The following ARAP2 variants were observed in gnomAD, a reference collection of about 807,000 sequenced individuals.
ARAP2 encodes the protein arf-GAP with Rho-GAP domain, ANK repeat and PH domain-containing protein 2.
In ARAP2, 148 loss-of-function variants were observed where a neutral mutation model predicts 194.5. The observed-to-expected ratio is 0.76, with a 90% CI of 0.67 to 0.87. ARAP2 has a LOEUF of 0.87. Among genes scored for constraint, ARAP2 ranks in the 40% least tolerant of loss-of-function variants. The probability of loss-of-function intolerance (pLI) is 0.00; values close to 1 mark genes in which losing one functional copy is unlikely to be tolerated. For missense variants in ARAP2, 2,128 were observed against 1,989.7 expected, an observed-to-expected ratio of 1.07 and a Z score of -1.32; for synonymous variants, 695 against 683.5, an observed-to-expected ratio of 1.02 and a Z score of -0.26.
intron 27 of ARAP2, among the ~76,000 whole-genome samples, chr4:36,102,129 CT>C (rs1336943986): frequency 6.6e-6 from 1 of 152,012 alleles, no homozygotes; most frequent in Non-Finnish European, 1.5e-5. Flanking sequence ...GCTAAAACCA[CT>C]TTCCACACAA....
chr4:36,043,853 G>A (rs1229398158), intron 5 of ARAP2, among the ~76,000 whole-genome samples: 113 of 53,610 alleles, frequency 2.1e-3, no homozygotes, highest in Middle Eastern at 0.013. Flanking sequence ...GGGGGGAGGG[G>A]AGGGGGGAGG....
intron 24 of ARAP2, among the ~76,000 whole-genome samples, chr4:36,118,116 T>A (rs1237983267): frequency 6.6e-6 from 1 of 151,290 alleles, no homozygotes; most frequent in East Asian, 2.0e-4. Context: ...TTGAAAAAGT[T>A]CCTTAATTTT....
At chr4:36,224,799 AAG>A (rs1285928295) in intron 2 of ARAP2, among the ~76,000 whole-genome samples, 1 of 152,204 alleles carries the variant, frequency 6.6e-6, no homozygotes, top group Non-Finnish European at 1.5e-5. Context: ...TTTTAAAAGA[AAG>A]AAATCAAAAT....
intron 22 of ARAP2, 55 bp from the exon 23 acceptor site, chr4:36,121,381 G>C: frequency 2.0e-6 from 3 of 1,471,332 alleles, no homozygotes; most frequent in Non-Finnish European, 2.7e-6. Context: ...AAATTTCATA[G>C]AACAGAAAGC....
At chr4:36,189,291 T>C (rs1355718664) in intron 7 of ARAP2, among the ~76,000 whole-genome samples, 1 of 152,184 alleles carries the variant, frequency 6.6e-6, no homozygotes, top group Non-Finnish European at 1.5e-5. Flanking sequence ...TGTTCGTATT[T>C]ATGGGATACA....
chr4:36,107,506 T>C (rs1577908823), intron 27 of ARAP2, 59 bp downstream of exon 27: 2 of 1,512,264 alleles, frequency 1.3e-6, no homozygotes, highest in Non-Finnish European at 1.8e-6. Context: ...GCCATATTAA[T>C]TACCCTTTAA....
chr4:36,104,701 G>A (rs942673892), intron 27 of ARAP2, among the ~76,000 whole-genome samples: 2 of 151,910 alleles, frequency 1.3e-5, no homozygotes, highest in Non-Finnish European at 2.9e-5. Context: ...TAATGAAAGA[G>A]ATTATTTTGC....
At chr4:36,099,538 C>T (rs1716287339) in intron 27 of ARAP2, among the ~76,000 whole-genome samples, 2 of 152,074 alleles carry the variant, frequency 1.3e-5, no homozygotes, top group Non-Finnish European at 2.9e-5. Context: ...CTCTTTACTC[C>T]TCTGAGCCTT....
Position 36,124,942 on chromosome 4 carries a change from A to G in ARAP2, c.3666T>C (p.Ile1222=). The change falls in exon 22 of 33, where the codon ATT becomes ATC. Residue 1222 remains isoleucine, a synonymous_variant. Transcript: ENST00000303965. ...ALDTQDDKER[I]KKYGAFIRSL... Reference sequence around the variant, plus strand: ...AACGTATAAATGCTCCATATTTTTTAATTCTTTCCTTGTCATCTTGCGTAT... The same window carrying G: ...AACGTATAAATGCTCCATATTTTTTGATTCTTTCCTTGTCATCTTGCGTAT... 6.2e-7 allele frequency: 1 copy of G among 1,610,198 alleles called. No homozygotes were observed.
chr4:36,112,452 A>T (rs1408522369), intron 26 of ARAP2, among the ~76,000 whole-genome samples: 1 of 151,986 alleles, frequency 6.6e-6, no homozygotes, highest in Non-Finnish European at 1.5e-5. Context: ...TATGTGGTGG[A>T]ACAATGTAAA....
chr4:36,214,036 T>C (rs1343605202), intron 3 of ARAP2, among the ~76,000 whole-genome samples: 2 of 152,158 alleles, frequency 1.3e-5, no homozygotes, highest in African/African-American at 4.8e-5. Flanking sequence ...CTGTCACTGT[T>C]CAATTTGCCA....
chr4:36,089,417 T>C (rs1712906417), intron 28 of ARAP2, among the ~76,000 whole-genome samples: 3 of 152,138 alleles, frequency 2.0e-5, no homozygotes, highest in South Asian at 4.1e-4. Context: ...ATGAACATTC[T>C]TGTACAAGTG....
chr4:36,128,455 G>A, intron 21 of ARAP2, 78 bp downstream of exon 21: 1 of 962,006 alleles, frequency 1.0e-6, no homozygotes, highest in African/African-American at 1.7e-5. Flanking sequence ...TAAAAGGCAA[G>A]CATGTATTAT....
intron 25 of ARAP2, among the ~76,000 whole-genome samples, chr4:36,115,094 T>G (rs1218613769): frequency 1.3e-5 from 2 of 152,062 alleles, no homozygotes; most frequent in East Asian, 3.9e-4. Context: ...CTAAAAGTTC[T>G]TTAGAAATGT....
intron 15 of ARAP2, among the ~76,000 whole-genome samples, chr4:36,154,337 C>T (rs1731731845): frequency 6.6e-6 from 1 of 152,086 alleles, no homozygotes; most frequent in Non-Finnish European, 1.5e-5. Context: ...CATGTTTAAG[C>T]TATACAATCT....
At chr4:36,140,139 T>TACACACAC (rs66531233) in intron 19 of ARAP2, among the ~76,000 whole-genome samples, 6,347 of 140,380 alleles carry the variant, frequency 0.045, 175 homozygotes, top group South Asian at 0.076. Context: ...ACAAAAACAA[T>TACACACAC]ACACACACAC....
chr4:36,168,045 A>T (rs1273588301), intron 9 of ARAP2, among the ~76,000 whole-genome samples: 1 of 152,062 alleles, frequency 6.6e-6, no homozygotes, highest in Non-Finnish European at 1.5e-5. Context: ...CATTTTCAGT[A>T]AGGACACTTG....
intron 27 of ARAP2, among the ~76,000 whole-genome samples, chr4:36,103,566 T>C (rs1411251392): frequency 3.3e-5 from 5 of 151,860 alleles, no homozygotes; most frequent in African/African-American, 1.2e-4. Context: ...AGTCATAATA[T>C]ATGGAATAGA....
intron 26 of ARAP2, among the ~76,000 whole-genome samples, chr4:36,108,118 A>T (rs1026146902): frequency 4.0e-5 from 6 of 151,748 alleles, no homozygotes. Context: ...CTGTAGCCTC[A>T]AACTTCTGAG....
Sources: gnomAD v4.1 joint callset for allele counts (sites outside exome capture counted in the v4.1 genomes callset) on GRCh38, gnomAD v4.1.1 for gene constraint, MANE v1.5 for transcripts, NCBI Gene and HGNC (gene_info 2026-07-23, HGNC 2026-07-21) for gene names.